The following SMARCA4 variants were observed in gnomAD, a reference collection of about 807,000 sequenced individuals.
SMARCA4 encodes the protein SWI/SNF related BAF chromatin remodeling complex subunit ATPase 4, also known as SWI/SNF-related matrix-associated actin-dependent regulator of chromatin subfamily A member 4.
Under a neutral mutation model 193.9 loss-of-function variants are expected in SMARCA4, and 31 were observed. The observed-to-expected ratio is 0.16, with a 90% CI of 0.12 to 0.22. The LOEUF (loss-of-function observed/expected upper bound fraction) is 0.22. SMARCA4 is among the 10% of genes least tolerant of loss of function. The pLI is 1.00. For missense variants in SMARCA4, 1,148 were observed against 2,296.0 expected, an observed-to-expected ratio of 0.50 and a Z score of 10.22; for synonymous variants, 942 against 933.1, an observed-to-expected ratio of 1.01 and a Z score of -0.17.
Position 11,041,209 on chromosome 19 carries a change from C to T in SMARCA4, c.4171-98C>T, listed in dbSNP as rs1168578541. 9 of 1,346,252 alleles carry T rather than the reference C, an allele frequency of 6.7e-6. No individual in the cohort carries two copies. The highest frequency in any genetic ancestry group is 9.2e-6 in the Non-Finnish European group (9 of 982,186). The allele number at this position is 1,346,252 out of a possible 1,614,324, so 83.4% of individuals were successfully genotyped here. On this transcript the variant is annotated intron_variant, in intron 29 of 34. Transcript: ENST00000344626. This position sits in a 1 kb window ranked among gnomAD's most constrained non-coding sequence, Gnocchi z 5.6. ...TGAAGGGAGAGCGGGTGCGGGGGCC[C>T]TCCTCCGTGTCCCAGCCCGGCCCCT...
intron 1 of SMARCA4, among the ~76,000 whole-genome samples, chr19:10,964,800 A>G (rs554172072): frequency 6.6e-6 from 1 of 152,150 alleles, no homozygotes; most frequent in African/African-American, 2.4e-5. Context: ...GTATTTTAGT[A>G]GAGACCGGGT....
chr19:11,061,188 TAAAAA>T (rs140377414), intron 34 of SMARCA4, among the ~76,000 whole-genome samples: 39 of 68,858 alleles, frequency 5.7e-4, no homozygotes, highest in East Asian at 3.2e-3. Context: ...ACCCTGTCTT[TAAAAA>T]AAAAAAAAAA....
At chr19:11,018,860 A>G (rs1600250809) in intron 16 of SMARCA4, 97 bp from the exon 17 acceptor site, 2 of 971,282 alleles carry the variant, frequency 2.1e-6, no homozygotes, top group East Asian at 2.4e-5. Flanking sequence ...GGCTGTGGCC[A>G]TGTTGGCCTC....
rs1295192121 is a variant in SMARCA4 at position 10,989,387 on chromosome 19, C to A, written c.1189C>A (p.Arg397=). 1.2e-6 allele frequency: 2 copies of A among 1,614,128 alleles called. No individual in the cohort carries two copies. Among genetic ancestry groups the A allele is most frequent in the South Asian group, 2.2e-5 (2 of 91,086 alleles). ...NLPGSLAGDL[R]TKATIELKAL... ...TCCCGGGTCCCTGGCCGGGGATTTG[C>A]GAACCAAAGCGACCATTGAGCTCAA... The change falls in exon 7 of 35, where the codon CGA becomes AGA. Residue 397 remains arginine, a synonymous_variant. Coordinates refer to ENST00000344626, the MANE Select transcript of SMARCA4 (RefSeq NM_003072.5).
rs1346614286 is a variant in SMARCA4 at position 10,984,508 on chromosome 19, CCT to C, written c.222+136_222+137del. ...GAGGTGTCCTGCCTTGGCTCAGCCCCCTACCCCAGGGCCCACGGCCATGAACA... is the reference window on the plus strand; with the variant it reads ...GAGGTGTCCTGCCTTGGCTCAGCCCCACCCCAGGGCCCACGGCCATGAACA... On this transcript the variant is annotated intron_variant, in intron 2 of 34. Coordinates refer to ENST00000344626, the MANE Select transcript of SMARCA4 (RefSeq NM_003072.5). This position sits in a 1 kb window ranked among gnomAD's most constrained non-coding sequence, Gnocchi z 4.3. 4.1e-6 allele frequency: 6 copies of C among 1,468,644 alleles called. No homozygotes were observed. The highest frequency in any genetic ancestry group is 4.8e-4 in the Middle Eastern group (2 of 4,178). 91.0% of individuals were successfully genotyped at this position (1,468,644 alleles called of 1,614,324 possible).
At chr19:10,989,735 T>C (rs2086390996) in intron 7 of SMARCA4, among the ~76,000 whole-genome samples, 1 of 149,700 alleles carries the variant, frequency 6.7e-6, no homozygotes, top group South Asian at 2.1e-4. Context: ...ACAGTCTTGC[T>C]CTATCACCTA....
chr19:11,060,329 C>T (rs1214639916), intron 34 of SMARCA4, 142 bp downstream of exon 34: 6 of 1,040,744 alleles, frequency 5.8e-6, no homozygotes, highest in Non-Finnish European at 8.7e-6. Flanking sequence ...CCATGGCTGA[C>T]CCCAGGTCAC....
chr19:11,028,855 G>A (rs192678681), intron 24 of SMARCA4, among the ~76,000 whole-genome samples: 66 of 148,358 alleles, frequency 4.4e-4, no homozygotes, highest in Non-Finnish European at 4.5e-4. Context: ...AGACAGACAC[G>A]GCTCAGCCAG....
In SMARCA4 at chr19:10,996,336, G is replaced by T. The variant is rs1283843447; in HGVS notation, c.1717G>T (p.Ala573Ser). ...CACGGAGCTGGTGCGGCAGCACAAGGCTGCCCAGGTCGCCAAGGAGAAAAA... is the reference window on the plus strand; with the variant it reads ...CACGGAGCTGGTGCGGCAGCACAAGTCTGCCCAGGTCGCCAAGGAGAAAAA... ...NLTELVRQHK[A>S]AQVAKEKKKK... The change falls in exon 10 of 35, where the codon GCT becomes TCT. Residue 573 changes from alanine (A) to serine (S), a missense_variant. By Grantham distance (99) the Ala-to-Ser change is moderately conservative. Around this residue, in one of 17 missense-constraint regions of SMARCA4, gnomAD observed 10 missense variants for 89.9 expected, o/e 0.11. Coordinates refer to ENST00000344626, the MANE Select transcript of SMARCA4 (RefSeq NM_003072.5). 1 of 1,614,116 alleles carries T rather than the reference G, an allele frequency of 6.2e-7. No individual in the cohort carries two copies. The highest frequency in any genetic ancestry group is 8.5e-7 in the Non-Finnish European group (1 of 1,180,046).
intron 13 of SMARCA4, among the ~76,000 whole-genome samples, chr19:11,006,734 A>G (rs1439445088): frequency 6.6e-6 from 1 of 152,140 alleles, no homozygotes; most frequent in Non-Finnish European, 1.5e-5. Context: ...GGTAGGAGAG[A>G]TATGGAGTCT....
intron 1 of SMARCA4, among the ~76,000 whole-genome samples, chr19:10,969,796 G>T (rs778005293): frequency 3.9e-5 from 6 of 151,962 alleles, no homozygotes; most frequent in Non-Finnish European, 8.8e-5. Context: ...CTCATCTCTT[G>T]CCCTCACTTG....
intron 30 of SMARCA4, among the ~76,000 whole-genome samples, chr19:11,053,236 C>T (rs2076358443): frequency 6.6e-6 from 1 of 152,150 alleles, no homozygotes; most frequent in African/African-American, 2.4e-5. Flanking sequence ...ATAATCCCAG[C>T]ACTTCGGGAG....
chr19:10,984,042 C>A lies in SMARCA4; in HGVS notation c.-31-79C>A. ...CTGTGGGATGTAGATTCTGATGTGA[C>A]CGTATGATTGTCCCTTGCTATCCCT... On this transcript the variant is annotated intron_variant, in intron 1 of 34. Transcript: ENST00000344626. The surrounding 1 kb of genome is among the most constrained non-coding windows in gnomAD (Gnocchi z 4.3). The A allele has an allele frequency of 1.9e-6, 2 of 1,057,406 alleles. No homozygotes were observed. The highest frequency in any genetic ancestry group is 2.9e-6 in the Non-Finnish European group (2 of 690,532). 65.5% of individuals were successfully genotyped at this position (1,057,406 alleles called of 1,614,324 possible). A position where few individuals can be genotyped will look rare whatever the true frequency, so the allele number is the denominator to read the frequency against.
intron 1 of SMARCA4, among the ~76,000 whole-genome samples, chr19:10,973,567 ATT>A (rs35116273): frequency 1.7e-4 from 21 of 125,592 alleles, no homozygotes; most frequent in African/African-American, 2.7e-4. Flanking sequence ...CGCCCAGCTA[ATT>A]TTTTTTTTTT....
intron 1 of SMARCA4, among the ~76,000 whole-genome samples, chr19:10,974,690 T>TATATA (rs1491522292): frequency 1.1e-3 from 21 of 18,554 alleles, no homozygotes; most frequent in African/African-American, 4.0e-3. Flanking sequence ...TATATATATA[T>TATATA]TTTTTTTTTT....
chr19:10,987,731 G>C lies in SMARCA4; in HGVS notation c.925G>C (p.Gly309Arg), dbSNP rs773701962. Residue 309 changes from glycine (G) to arginine (R), a missense_variant, in exon 6 of 35, where the codon GGC becomes CGC. Physicochemically the swap from Gly to Arg is moderately radical, Grantham distance 125. This residue lies in a region of SMARCA4 where 257 missense variants were observed against 276.5 expected (regional missense o/e 0.93). Transcript: ENST00000344626. The surrounding 1 kb of genome is among the most constrained non-coding windows in gnomAD (Gnocchi z 5.3). The part of the protein sequence containing the change: ...PQKLIPPQPT[G>R]RPSPAPPAVP... ...GAAGCTGATTCCCCCGCAGCCAACG[G>C]GCCGCCCTTCCCCCGCGCCCCCTGC... The C allele has an allele frequency of 3.1e-6, 5 of 1,608,138 alleles. No homozygotes were observed. Among genetic ancestry groups the C allele is most frequent in the South Asian group, 2.2e-5 (2 of 90,646 alleles).
In SMARCA4 at chr19:11,030,649, C is replaced by T. The variant is rs2074862060; in HGVS notation, c.3383-81C>T. ...GGCAGGTGCTGATCCTGCTCCTGCT[C>T]TCAGAAGCAGGTGTTCCTTGGTGTC... On this transcript the variant is annotated intron_variant, in intron 24 of 34. Transcript: ENST00000344626. This position sits in a 1 kb window ranked among gnomAD's most constrained non-coding sequence, Gnocchi z 5.5. The T allele has an allele frequency of 7.6e-7, 1 of 1,315,784 alleles. No homozygotes were observed. Among genetic ancestry groups the T allele is most frequent in the Non-Finnish European group, 1.1e-6 (1 of 937,398 alleles). 81.5% of individuals were successfully genotyped at this position (1,315,784 alleles called of 1,614,324 possible).
chr19:10,987,764 C>T lies in SMARCA4; in HGVS notation c.958C>T (p.Pro320Ser), dbSNP rs1460796481. ...RPSPAPPAVP[P>S]AASPVMPPQT... ...TTCCCCCGCGCCCCCTGCCGTCCCACCCGCCGCCTCGCCCGTGATGCCACC... is the reference window on the plus strand; with the variant it reads ...TTCCCCCGCGCCCCCTGCCGTCCCATCCGCCGCCTCGCCCGTGATGCCACC... Residue 320 changes from proline to serine, a missense_variant, in exon 6 of 35, where the codon CCC (proline) becomes TCC (serine). By Grantham distance (74) the Pro-to-Ser change is moderately conservative. Coordinates refer to ENST00000344626, the MANE Select transcript of SMARCA4 (RefSeq NM_003072.5). The surrounding 1 kb of genome is among the most constrained non-coding windows in gnomAD (Gnocchi z 5.3). The T allele has an allele frequency of 1.6e-5, 26 of 1,598,622 alleles. No individual in the cohort carries two copies. The highest frequency in any genetic ancestry group is 2.1e-5 in the Non-Finnish European group (25 of 1,173,190).
chr19:10,992,066 G>A (rs986534761), intron 8 of SMARCA4, among the ~76,000 whole-genome samples: 1 of 151,758 alleles, frequency 6.6e-6, no homozygotes, highest in Non-Finnish European at 1.5e-5. Flanking sequence ...TATCTTATTG[G>A]TGTAGTGTAA....
Sources: allele counts gnomAD v4.1 joint callset (sites outside exome capture counted in the v4.1 genomes callset), GRCh38; gene constraint gnomAD v4.1.1; regional missense constraint gnomAD v4.1.1; non-coding constraint Gnocchi (gnomAD v3.1); transcripts MANE v1.5; gene names NCBI Gene and HGNC (gene_info 2026-07-23, HGNC 2026-07-21).